The following ANK2 variants were observed in gnomAD, a reference collection of about 807,000 sequenced individuals.
The protein encoded by ANK2 is ankyrin-2.
In ANK2, 83 loss-of-function variants were observed where a neutral mutation model predicts 360.5. The observed-to-expected ratio is 0.23, with a 90% CI of 0.19 to 0.28. The LOEUF (loss-of-function observed/expected upper bound fraction) is 0.28. ANK2 is among the 10% of genes least tolerant of loss of function. The probability of loss-of-function intolerance (pLI) is 1.00; values close to 1 mark genes in which losing one functional copy is unlikely to be tolerated. For synonymous variants in ANK2, 1,740 were observed against 1,759.5 expected, an observed-to-expected ratio of 0.99 and a Z score of 0.28; for missense variants, 4,201 against 4,795.7, an observed-to-expected ratio of 0.88 and a Z score of 3.66.
chr4:112,962,359 T>C (rs1478275764), intron 2 of ANK2, among the ~76,000 whole-genome samples: 1 of 152,168 alleles, frequency 6.6e-6, no homozygotes, highest in African/African-American at 2.4e-5. Context: ...TCCATGTTGC[T>C]ACAAGGGACA....
intron 43 of ANK2, among the ~76,000 whole-genome samples, chr4:113,371,712 TTC>T (rs1348702323): frequency 6.6e-6 from 1 of 152,238 alleles, no homozygotes. Context: ...AGGCAGTAGA[TTC>T]CTGATTATAT....
intron 43 of ANK2, among the ~76,000 whole-genome samples, chr4:113,372,880 TG>T (rs1347405531): frequency 6.6e-6 from 1 of 152,244 alleles, no homozygotes; most frequent in Non-Finnish European, 1.5e-5. Context: ...TTTCTATTTT[TG>T]TTGAAGTTTT....
chr4:113,315,259 A>G (rs1375511708), intron 24 of ANK2, among the ~76,000 whole-genome samples: 1 of 152,162 alleles, frequency 6.6e-6, no homozygotes, highest in African/African-American at 2.4e-5. Context: ...TCATAGCCCA[A>G]TGGGCTCTTT....
At chr4:113,072,945 G>A (rs1462077863) in intron 1 of ANK2, among the ~76,000 whole-genome samples, 1 of 143,126 alleles carries the variant, frequency 7.0e-6, no homozygotes, top group African/African-American at 2.6e-5. Flanking sequence ...CTGTCACAAG[G>A]ACAGTGTCTT....
At chr4:112,839,093 A>G (rs2061576426) in intron 1 of ANK2, among the ~76,000 whole-genome samples, 1 of 152,108 alleles carries the variant, frequency 6.6e-6, no homozygotes, top group African/African-American at 2.4e-5. Flanking sequence ...CCATCTGTCC[A>G]TGAAGACATT....
At chr4:113,069,984 G>T (rs2279892) in intron 1 of ANK2, 1 of 152,090 alleles carries the variant, frequency 6.6e-6, no homozygotes, top group South Asian at 2.1e-4. Flanking sequence ...AACCTCATCC[G>T]AAGTCCTGGG....
chr4:112,773,274 G>T, the ANK2 span, among the ~76,000 whole-genome samples: 5 of 152,298 alleles, frequency 3.3e-5, no homozygotes, highest in East Asian at 9.6e-4. Context: ...CCGTGATCGT[G>T]CTGCTGAACT....
the ANK2 span, among the ~76,000 whole-genome samples, chr4:112,746,507 CAA>C: frequency 1.8e-4 from 22 of 121,724 alleles, no homozygotes; most frequent in East Asian, 2.2e-4. Flanking sequence ...GATGCTGTCT[CAA>C]AAAAAAAAAA....
chr4:112,952,016 A>G (rs2095054066), intron 2 of ANK2, among the ~76,000 whole-genome samples: 1 of 152,204 alleles, frequency 6.6e-6, no homozygotes, highest in Non-Finnish European at 1.5e-5. Context: ...ATTTCTCACC[A>G]TTGTACAAAT....
chr4:113,223,263 G>C (rs1446418684), intron 4 of ANK2, among the ~76,000 whole-genome samples: 1 of 152,200 alleles, frequency 6.6e-6, no homozygotes, highest in Non-Finnish European at 1.5e-5. Flanking sequence ...CATCCTCCTA[G>C]CATGTCGTGG....
At chr4:112,878,236 C>T (rs181089595) in intron 1 of ANK2, among the ~76,000 whole-genome samples, 1 of 151,340 alleles carries the variant, frequency 6.6e-6, no homozygotes, top group Admixed American at 6.6e-5. Flanking sequence ...ACCTCAATCT[C>T]AGCATGTTCA....
At chr4:113,147,278 A>T (rs914112150) in intron 1 of ANK2, among the ~76,000 whole-genome samples, 2 of 152,170 alleles carry the variant, frequency 1.3e-5, no homozygotes, top group East Asian at 3.9e-4. Flanking sequence ...TTTCTCCTGG[A>T]TTATGGTTTC....
Position 112,852,666 on chromosome 4 carries a change from A to G in ANK2, c.-40+34402A>G, listed in dbSNP as rs183385100. Reference sequence around the variant, plus strand: ...GTTTCCTAATTTAGAATTTTCTTAAATGAACAGATGTTTACACATATCCTA... The same window carrying G: ...GTTTCCTAATTTAGAATTTTCTTAAGTGAACAGATGTTTACACATATCCTA... On this transcript the variant is annotated intron_variant, in intron 1 of 30. Transcript: ENST00000503271. Among the ~76,000 whole-genome samples the G allele has an allele frequency of 3.3e-5, 5 of 152,358 alleles. No individual in the cohort carries two copies. In the East Asian group the frequency reaches 9.6e-4, roughly 29 times the overall value.
intron 2 of ANK2, among the ~76,000 whole-genome samples, chr4:112,995,080 A>G: frequency 6.6e-6 from 1 of 152,324 alleles, no homozygotes; most frequent in African/African-American, 2.4e-5. Flanking sequence ...ATATGAGTGC[A>G]TGTGTCTTTT....
chr4:113,331,711 CT>C, intron 27 of ANK2, among the ~76,000 whole-genome samples: 1 of 152,250 alleles, frequency 6.6e-6, no homozygotes, highest in African/African-American at 2.4e-5. Context: ...TTTTTTCCCC[CT>C]TTTTGGCTAG....
At position 113,018,047 on chromosome 4, in the gene ANK2, T is replaced by G. The variant is rs535257473; in HGVS notation, c.21+113533T>G. 8.5e-5 allele frequency among the ~76,000 whole-genome samples: 13 copies of G among 152,352 alleles called. No individual in the cohort carries two copies. The East Asian group carries it at 2.5e-3, about 29-fold the overall frequency. On this transcript the variant is annotated intron_variant, in intron 2 of 30. Coordinates refer to the ANK2 transcript ENST00000503271. ...TGAAAGCAATGGGAATTCATCGCAA[T>G]TTTTGATTATACTTCCCTTGAAAAA...
chr4:113,216,891 AT>A (rs57900954), intron 4 of ANK2, among the ~76,000 whole-genome samples: 17,085 of 147,448 alleles, frequency 0.12, 1,110 homozygotes, highest in South Asian at 0.2. Flanking sequence ...TTCAAACACT[AT>A]TTTTTTTTTT....
At chr4:113,099,995 T>C (rs1264599240) in intron 1 of ANK2, among the ~76,000 whole-genome samples, 6 of 152,074 alleles carry the variant, frequency 3.9e-5, no homozygotes, top group African/African-American at 4.8e-5. Flanking sequence ...AAGAGTTAAA[T>C]GTAAAATGTA....
chr4:112,841,206 C>T (rs2062011533), intron 1 of ANK2, among the ~76,000 whole-genome samples: 1 of 152,078 alleles, frequency 6.6e-6, no homozygotes, highest in Non-Finnish European at 1.5e-5. Context: ...GAGACAAAGC[C>T]ACAATATCTT....
Sources: gnomAD v4.1 joint callset for allele counts (sites outside exome capture counted in the v4.1 genomes callset) on GRCh38, gnomAD v4.1.1 for gene constraint, MANE v1.5 for transcripts, NCBI Gene and HGNC (gene_info 2026-07-23, HGNC 2026-07-21) for gene names.